The following METTL22 variants were observed in gnomAD, a reference collection of about 807,000 sequenced individuals.
METTL22 encodes the protein methyltransferase-like protein 22.
A neutral mutation model predicts 48.4 loss-of-function variants in METTL22; 51 were observed. The observed-to-expected ratio is 1.05, with a 90% CI of 0.84 to 1.33. METTL22 has a LOEUF of 1.33. METTL22 is among the 40% of genes most tolerant of loss of function. METTL22 has a pLI of 0.00. For synonymous variants in METTL22, 255 were observed against 214.1 expected (o/e 1.19, Z -1.67); for missense variants, 678 against 526.9 (o/e 1.29, Z -2.81).
At chr16:8,645,914 TGCCACA>T in intron 10 of METTL22, 188 bp from the exon 11 acceptor site, 1 of 949,024 alleles carries the variant, frequency 1.1e-6, no homozygotes, top group Non-Finnish European at 1.2e-6. Flanking sequence ...CCAGCCTCTC[TGCCACA>T]GTAAAATAGA....
chr16:8,659,131 G>A, the METTL22 span, among the ~76,000 whole-genome samples: 1 of 152,132 alleles, frequency 6.6e-6, no homozygotes, highest in African/African-American at 2.4e-5. Flanking sequence ...AGGAGTTCGA[G>A]ACCAGCCTGG....
At chr16:8,661,211 C>T in the METTL22 span, among the ~76,000 whole-genome samples, 1 of 127,846 alleles carries the variant, frequency 7.8e-6, no homozygotes, top group African/African-American at 2.6e-5. Context: ...TCCTGGCAGC[C>T]ATGCCAACGT....
At chr16:8,634,682 G>T (rs181667573) in intron 3 of METTL22, among the ~76,000 whole-genome samples, 1 of 152,258 alleles carries the variant, frequency 6.6e-6, no homozygotes, top group East Asian at 1.9e-4. Flanking sequence ...AATATATTAT[G>T]ATTGTAACTT....
intron 5 of METTL22, among the ~76,000 whole-genome samples, chr16:8,638,140 C>A (rs969307561): frequency 2.0e-5 from 3 of 152,034 alleles, no homozygotes; most frequent in Non-Finnish European, 4.4e-5. Flanking sequence ...GTGCGAAACT[C>A]CGTTTCCAAA....
At chr16:8,663,431 A>C in the METTL22 span, among the ~76,000 whole-genome samples, 1 of 152,020 alleles carries the variant, frequency 6.6e-6, no homozygotes, top group Non-Finnish European at 1.5e-5. Flanking sequence ...GAGAAAAAAA[A>C]TCAGTCAAGC....
Position 8,646,418 on chromosome 16 carries a change from C to A in METTL22, c.*275C>A, listed in dbSNP as rs770368922. 1.5e-6 allele frequency: 1 copy of A among 667,622 alleles called. No homozygotes were observed. The highest frequency in any genetic ancestry group is 1.5e-5 in the South Asian group (1 of 66,472). The allele number at this position is 667,622 out of a possible 1,614,324, so 41.4% of individuals were successfully genotyped here. ...GGTCAAGCCGAGCCACGTTCCTTCT[C>A]AGCTCAGTTCCACCCACGTCAGTCA... On this transcript the variant is annotated 3_prime_UTR_variant, in exon 11 of 11. Transcript: ENST00000381920.
At position 8,649,256 on chromosome 16, in the gene METTL22, T is replaced by C. The variant is rs1411697067; in HGVS notation, c.*3113T>C. 1 of 152,176 alleles carries C rather than the reference T, an allele frequency of 6.6e-6. No homozygotes were observed. The highest frequency in any genetic ancestry group is 1.5e-5 in the Non-Finnish European group (1 of 68,036). The allele number at this position is 152,176 out of a possible 1,614,324, so 9.4% of individuals were successfully genotyped here. A position where few individuals can be genotyped will look rare whatever the true frequency, so the allele number is the denominator to read the frequency against. On this transcript the variant is annotated 3_prime_UTR_variant, in exon 11 of 11. Coordinates refer to ENST00000381920, the MANE Select transcript of METTL22 (RefSeq NM_024109.4). ...TCTTGATCCACTGTAATTCAAAGTATCGTCAGATTTTCATTTCCCAGAGTG... is the reference window on the plus strand; with the variant it reads ...TCTTGATCCACTGTAATTCAAAGTACCGTCAGATTTTCATTTCCCAGAGTG...
At chr16:8,642,625 C>A in intron 9 of METTL22, 60 bp downstream of exon 9, 2 of 1,470,958 alleles carry the variant, frequency 1.4e-6, no homozygotes, top group East Asian at 2.3e-5. Flanking sequence ...ACTCTCACCT[C>A]CTAATTGTGT....
At chr16:8,630,495 G>T (rs1316484943) in intron 3 of METTL22, among the ~76,000 whole-genome samples, 1 of 152,038 alleles carries the variant, frequency 6.6e-6, no homozygotes, top group Non-Finnish European at 1.5e-5. Flanking sequence ...ACATCATGGG[G>T]GCAGAGCTTT....
Position 8,644,622 on chromosome 16 carries a change from T to C in METTL22, c.1076T>C (p.Leu359Pro). The C allele has an allele frequency of 1.2e-6, 2 of 1,606,110 alleles. No individual in the cohort carries two copies. The highest frequency in any genetic ancestry group is 1.7e-6 in the Non-Finnish European group (2 of 1,176,380). Residue 359 changes from leucine to proline, a missense_variant, in exon 10 of 11, where the codon CTG (leucine) becomes CCG (proline). By Grantham distance (98) the Leu-to-Pro change is moderately conservative. Transcript: ENST00000381920. ...CEAYDHFRSC[L>P]HALEQLADGK... ...GCCTACGATCACTTCCGCTCCTGCC[T>C]GCACGCGCTGGAGCAGCTCGCAGAT... is the stretch of plus-strand genomic sequence containing the variant.
intron 3 of METTL22, among the ~76,000 whole-genome samples, chr16:8,634,151 C>A (rs1482335684): frequency 2.0e-5 from 3 of 152,228 alleles, no homozygotes; most frequent in Non-Finnish European, 4.4e-5. Context: ...AGATCAGATT[C>A]TAACTGCCCA....
At chr16:8,645,831 C>T (rs1463574119) in intron 10 of METTL22, 4 of 906,750 alleles carry the variant, frequency 4.4e-6, no homozygotes, top group Non-Finnish European at 5.7e-6. Context: ...CGGCAACTCA[C>T]TGCTATTCTG....
In METTL22 at chr16:8,625,599, G is replaced by A; in HGVS notation, c.-67G>A. On this transcript the variant is annotated 5_prime_UTR_variant, in exon 2 of 11. Transcript: ENST00000381920. ...GTCTGCAGTATCTCCTCTGGGACCT[G>A]CCATGCTGAGGACCCATTCTCACCT... The A allele has an allele frequency of 8.3e-6, 13 of 1,561,598 alleles. No individual in the cohort carries two copies. Among genetic ancestry groups the A allele is most frequent in the Non-Finnish European group, 1.1e-5 (13 of 1,141,078 alleles).
rs1282333330 is a variant in METTL22, at chr16:8,648,968, A to G, written c.*2825A>G. Reference sequence around the variant, plus strand: ...AAACTCCGTTCCTGACAGACTTGCCATAATGGAGCAGCATTGCAGATCACT... The same window carrying G: ...AAACTCCGTTCCTGACAGACTTGCCGTAATGGAGCAGCATTGCAGATCACT... On this transcript the variant is annotated 3_prime_UTR_variant, in exon 11 of 11. Transcript: ENST00000381920. The G allele has an allele frequency of 1.3e-5, 2 of 152,270 alleles. No individual in the cohort carries two copies. The highest frequency in any genetic ancestry group is 6.5e-5 in the Admixed American group (1 of 15,284). The allele number at this position is 152,270 out of a possible 1,614,324, so 9.4% of individuals were successfully genotyped here.
chr16:8,639,030 A>ATCCC, intron 5 of METTL22, 61 bp from the exon 6 acceptor site: 1 of 1,568,802 alleles, frequency 6.4e-7, no homozygotes, highest in Non-Finnish European at 8.8e-7. Flanking sequence ...CTAGGCAAAA[A>ATCCC]ACATGGAGAT....
chr16:8,656,035 G>T, the METTL22 span, among the ~76,000 whole-genome samples: 1 of 152,182 alleles, frequency 6.6e-6, no homozygotes, highest in African/African-American at 2.4e-5. Flanking sequence ...GTTCTCCAAA[G>T]TATGGCGAGT....
At chr16:8,635,351 C>T (rs1157754489) in intron 5 of METTL22, 39 bp downstream of exon 5, 1 of 1,507,484 alleles carries the variant, frequency 6.6e-7, no homozygotes, top group Non-Finnish European at 8.8e-7. Flanking sequence ...GAAGTAGTCA[C>T]CTTCACAAAG....
intron 3 of METTL22, among the ~76,000 whole-genome samples, chr16:8,632,388 T>C (rs2056293280): frequency 1.3e-5 from 2 of 152,214 alleles, no homozygotes; most frequent in African/African-American, 4.8e-5. Flanking sequence ...TAGAAAAATA[T>C]GGGTCTCACT....
chr16:8,658,808 A>G, the METTL22 span, among the ~76,000 whole-genome samples: 40,069 of 151,982 alleles, frequency 0.26, 6,401 homozygotes, highest in African/African-American at 0.45. Context: ...ACAAAGCCCA[A>G]ATCCCTTTGC....
Sources: gnomAD v4.1 joint callset for allele counts (sites outside exome capture counted in the v4.1 genomes callset) on GRCh38, gnomAD v4.1.1 for gene constraint, MANE v1.5 for transcripts, NCBI Gene and HGNC (gene_info 2026-07-23, HGNC 2026-07-21) for gene names.